Variants in USP34 observed in about 807,000 individuals in gnomAD.
USP34 encodes ubiquitin specific peptidase 34.
A neutral mutation model predicts 460.3 loss-of-function variants in USP34; 70 were observed. That is an observed-to-expected ratio of 0.15 (90% CI 0.13 to 0.19). USP34 has a LOEUF of 0.19. USP34 is among the 10% of genes least tolerant of loss of function. The probability of loss-of-function intolerance (pLI) is 1.00; values close to 1 mark genes in which losing one functional copy is unlikely to be tolerated. For missense variants in USP34, 3,985 were observed against 4,236.2 expected (o/e 0.94, Z 1.65); for synonymous variants, 1,647 against 1,405.3 (o/e 1.17, Z -3.85).
intron 49 of USP34, 61 bp from the exon 50 acceptor site, chr2:61,246,538 C>A: frequency 8.8e-7 from 1 of 1,141,158 alleles, no homozygotes; most frequent in Non-Finnish European, 1.1e-6. Flanking sequence ...TACTTAGAAA[C>A]ACTTTTTAAA....
chr2:61,447,254 CAAAAAAAAAAA>C lies in USP34; in HGVS notation c.43+23385_43+23395del, dbSNP rs763711140. On this transcript the variant is annotated intron_variant, in intron 1 of 79. Transcript: ENST00000398571. ...TGGGCAACAGAGTGAAACTGTCTTC[CAAAAAAAAAAA>C]AAAAAAAAAAAAAAAAACCAGAAAA... 2.2e-3 allele frequency among the ~76,000 whole-genome samples: 130 copies of C among 59,680 alleles called. No individual in the cohort carries two copies. The South Asian group carries it at 0.058, about 27-fold the overall frequency. 39.2% of individuals were successfully genotyped at this position (59,680 alleles called of 152,430 possible). A position where few individuals can be genotyped will look rare whatever the true frequency, so the allele number is the denominator to read the frequency against.
At chr2:61,462,274 C>T (rs1432915524) in intron 1 of USP34, among the ~76,000 whole-genome samples, 1 of 149,758 alleles carries the variant, frequency 6.7e-6, no homozygotes, top group African/African-American at 2.5e-5. Flanking sequence ...ATCAGCCAGG[C>T]GTGGTGGCTC....
At position 61,255,504 on chromosome 2, in the gene USP34, T is replaced by G. The variant is rs551713151; in HGVS notation, c.6221+880A>C. 5.9e-5 allele frequency among the ~76,000 whole-genome samples: 9 copies of G among 152,330 alleles called. No individual in the cohort carries two copies. In the South Asian group the frequency reaches 1.9e-3, roughly 32 times the overall value. ...GCATTGGGAAAGTTTCTTTATTCTG[T>G]GACTCCATGTCTTCACATGTAAAAT... On this transcript the variant is annotated intron_variant, in intron 48 of 79. Coordinates refer to ENST00000398571, the MANE Select transcript of USP34 (RefSeq NM_014709.4).
chr2:61,353,574 T>G (rs902470435), intron 10 of USP34, among the ~76,000 whole-genome samples: 27 of 148,364 alleles, frequency 1.8e-4, no homozygotes, highest in African/African-American at 6.4e-4. Flanking sequence ...TTTTTGTTTT[T>G]GTTTTTTTTG....
chr2:61,301,950 AAGAG>A (rs1190518432), intron 27 of USP34, among the ~76,000 whole-genome samples: 1 of 152,116 alleles, frequency 6.6e-6, no homozygotes, highest in Non-Finnish European at 1.5e-5. Flanking sequence ...GAGGAGAAAA[AAGAG>A]AGGGAAGGAA....
chr2:61,404,640 C>T (rs1693816319), intron 3 of USP34, among the ~76,000 whole-genome samples: 1 of 152,150 alleles, frequency 6.6e-6, no homozygotes, highest in Non-Finnish European at 1.5e-5. Context: ...ACAGCCACTA[C>T]CAACTGCCAC....
chr2:61,196,385 C>T (rs950814772), intron 75 of USP34, among the ~76,000 whole-genome samples: 11 of 151,700 alleles, frequency 7.3e-5, no homozygotes, highest in Non-Finnish European at 1.0e-4. Flanking sequence ...CCACCGCGCC[C>T]GGCCAATTTC....
At position 61,246,330 on chromosome 2, in the gene USP34, T is replaced by C. The variant is rs1486701954; in HGVS notation, c.6542A>G (p.Asn2181Ser). Residue 2181 changes from asparagine (N) to serine (S), a missense_variant, in exon 50 of 80, where the codon AAT (asparagine) becomes AGT (serine). Asn to Ser is a conservative substitution (Grantham distance 46, BLOSUM62 1). This residue lies in a region of USP34 where 70 missense variants were observed against 78.1 expected (regional missense o/e 0.90). Transcript: ENST00000398571. Reference sequence around the variant, plus strand: ...TGAAATATTTAAAACTCACCATTTATTGTTTTTATAAGCATGGGGATTTAC... The same window carrying C: ...TGAAATATTTAAAACTCACCATTTACTGTTTTTATAAGCATGGGGATTTAC... Reference protein sequence around the residue: ...DIVNPHAYKNNKWYLFNDAEV... With the variant: ...DIVNPHAYKNSKWYLFNDAEV... The C allele has an allele frequency of 1.3e-6, 2 of 1,552,882 alleles. No homozygotes were observed. The highest frequency in any genetic ancestry group is 1.7e-6 in the Non-Finnish European group (2 of 1,150,150).
intron 75 of USP34, among the ~76,000 whole-genome samples, chr2:61,197,986 C>T (rs952257096): frequency 6.6e-6 from 1 of 152,124 alleles, no homozygotes; most frequent in African/African-American, 2.4e-5. Context: ...GTCTCGATCT[C>T]TTGACCTGGT....
intron 18 of USP34, among the ~76,000 whole-genome samples, chr2:61,335,702 T>C (rs187878803): frequency 5.3e-5 from 8 of 152,248 alleles, no homozygotes; most frequent in Middle Eastern, 3.4e-3. Flanking sequence ...TGAGCTGAGA[T>C]TGCACCACTG....
chr2:61,205,745 G>C (rs991433796), intron 72 of USP34, among the ~76,000 whole-genome samples: 3 of 152,152 alleles, frequency 2.0e-5, no homozygotes, highest in African/African-American at 7.2e-5. Context: ...GCTTACATAG[G>C]ATAACAAGAT....
At chr2:61,339,825 TTTTGTTTTG>T (rs1375900869) in intron 16 of USP34, 144 bp from the exon 17 acceptor site, 6 of 359,300 alleles carry the variant, frequency 1.7e-5, no homozygotes, top group African/African-American at 8.6e-5. Flanking sequence ...CAATATTTTG[TTTTGTTTTG>T]TTTTTGTTTT....
chr2:61,196,069 ATTTTTTTTTTTTTT>A (rs71403398), intron 75 of USP34, among the ~76,000 whole-genome samples: 8 of 41,576 alleles, frequency 1.9e-4, no homozygotes, highest in South Asian at 1.3e-3. Context: ...ACCATGCACG[ATTTTTTTTTTTTTT>A]TTTTTTTTTT....
chr2:61,248,472 A>C (rs1688483019), intron 49 of USP34, 39 bp downstream of exon 49: 1 of 1,505,534 alleles, frequency 6.6e-7, no homozygotes, highest in Non-Finnish European at 8.9e-7. Flanking sequence ...ATGGAGATTG[A>C]CAATAATCAC....
At chr2:61,280,093 G>A (rs992867078) in intron 39 of USP34, 151 bp downstream of exon 39, 2 of 438,298 alleles carry the variant, frequency 4.6e-6, no homozygotes, top group Non-Finnish European at 7.9e-6. Context: ...GAAGAAGGTG[G>A]AAAAGCACAA....
At chr2:61,229,122 TAAGTA>T (rs1232092628) in intron 59 of USP34, 127 bp from the exon 60 acceptor site, 1 of 640,110 alleles carries the variant, frequency 1.6e-6, no homozygotes, top group African/African-American at 1.9e-5. Context: ...CGCAATAACT[TAAGTA>T]GTTATTGTGA....
At chr2:61,352,219 T>C (rs761122764) in intron 10 of USP34, among the ~76,000 whole-genome samples, 30 of 152,132 alleles carry the variant, frequency 2.0e-4, no homozygotes, top group Non-Finnish European at 4.3e-4. Flanking sequence ...AATTCTCAAT[T>C]TGTACTAACA....
In USP34 at chr2:61,348,052, T is replaced by C; in HGVS notation, c.2103A>G (p.Pro701=). The C allele has an allele frequency of 6.2e-7, 1 of 1,614,218 alleles. No individual in the cohort carries two copies. The highest frequency in any genetic ancestry group is 8.5e-7 in the Non-Finnish European group (1 of 1,180,022). The change falls in exon 15 of 80, where the codon CCA becomes CCG. Residue 701 remains proline, a synonymous_variant. Transcript: ENST00000398571. Reference sequence around the variant, plus strand: ...TCATTTCCCCTGAAATATCATGTTCTGGGTCTTCAGAGTGTGAACAAGCAT... The same window carrying C: ...TCATTTCCCCTGAAATATCATGTTCCGGGTCTTCAGAGTGTGAACAAGCAT... The part of the protein sequence containing the change: ...MLDACSHSED[P]EHDISGEMNA...
chr2:61,311,774 A>C lies in USP34; in HGVS notation c.3669+10T>G, dbSNP rs1030768110. 1 of 1,612,876 alleles carries C rather than the reference A, an allele frequency of 6.2e-7. No homozygotes were observed. The highest frequency in any genetic ancestry group is 8.5e-7 in the Non-Finnish European group (1 of 1,179,726). ...TGTTATCAACTTCGAAATTAAAACT[A>C]TGTAAGTACCTTGTCAGGAAGTCCA... On this transcript the variant is annotated intron_variant, in intron 26 of 79. Transcript: ENST00000398571.
Sources: gnomAD v4.1 joint callset for allele counts (sites outside exome capture counted in the v4.1 genomes callset) on GRCh38, gnomAD v4.1.1 for gene constraint, gnomAD v4.1.1 regional missense constraint, MANE v1.5 for transcripts, NCBI Gene and HGNC (gene_info 2026-07-23, HGNC 2026-07-21) for gene names.